SLC22A6: variants seen among roughly 807,000 people sequenced by gnomAD.
SLC22A6 encodes solute carrier family 22 member 6.
SLC22A6 carries 45 observed loss-of-function variants against 56.7 expected under a neutral mutation model. The observed-to-expected ratio is 0.79, with a 90% CI of 0.63 to 1.02. The LOEUF (loss-of-function observed/expected upper bound fraction) is 1.02. Ranked by LOEUF, SLC22A6 falls within the 50% of genes least tolerant of loss-of-function variation. The pLI, the probability that SLC22A6 is intolerant of heterozygous loss-of-function variation, is 0.00. For missense variants in SLC22A6, 606 were observed against 713.8 expected, an observed-to-expected ratio of 0.85 and a Z score of 1.72; for synonymous variants, 291 against 295.9, an observed-to-expected ratio of 0.98 and a Z score of 0.17.
chr11:62,976,806 C>T lies in SLC22A6; in HGVS notation c.1641G>A (p.Lys547=), dbSNP rs139060110. Residue 547 remains lysine, a synonymous_variant, in exon 10 of 10, where the codon AAG becomes AAA. Transcript: ENST00000360421. The stretch of plus-strand genomic sequence containing the variant: ...CCCTTCTCAGTCCTCAGAGTCCATT[C>T]TTCTCTTGTGCTGAGGCCTGCAGTG... ...MVPLQASAQE[K]NGL The T allele has an allele frequency of 1.2e-6, 2 of 1,613,342 alleles. No individual in the cohort carries two copies. The highest frequency in any genetic ancestry group is 1.1e-5 in the South Asian group (1 of 90,818).
Position 62,981,369 on chromosome 11 carries a change from G to A in SLC22A6, c.812C>T (p.Ser271Leu), listed in dbSNP as rs765451388. The change falls in exon 5 of 10, where the codon TCG (serine) becomes TTG (leucine). Residue 271 changes from serine to leucine, a missense_variant. Transcript: ENST00000360421. Reference protein sequence around the residue: ...FFIYSWFFIESARWHSSSGRL... With the variant: ...FFIYSWFFIELARWHSSSGRL... ...CCCGGAGGAGGAGTGCCAGCGGGCC[G>A]ACTCAATGAAGAACCTGGGAGCGGG... The A allele has an allele frequency of 2.2e-6, 3 of 1,336,302 alleles. No individual in the cohort carries two copies. The highest frequency in any genetic ancestry group is 3.0e-6 in the Non-Finnish European group (3 of 997,142). 82.8% of individuals were successfully genotyped at this position (1,336,302 alleles called of 1,614,324 possible). A position where few individuals can be genotyped will look rare whatever the true frequency, so the allele number is the denominator to read the frequency against.
intron 4 of SLC22A6, among the ~76,000 whole-genome samples, 178 bp downstream of exon 4, chr11:62,981,664 G>A (rs2086257107): frequency 6.6e-6 from 1 of 152,118 alleles, no homozygotes; most frequent in African/African-American, 2.4e-5. Flanking sequence ...GGATATCCTG[G>A]GGCAAAGCCT....
rs778287708 is a variant in SLC22A6 at position 62,984,390 on chromosome 11, C to A, written c.301G>T (p.Ala101Ser). 1.2e-5 allele frequency: 19 copies of A among 1,613,922 alleles called. No individual in the cohort carries two copies. In the South Asian group the frequency reaches 2.1e-4, roughly 18 times the overall value. Residue 101 changes from alanine (A) to serine (S), a missense_variant, in exon 1 of 10, where the codon GCC becomes TCC. Coordinates refer to ENST00000360421, the MANE Select transcript of SLC22A6 (RefSeq NM_153276.3). ...LNGTEANGTG[A>S]TEPCTDGWIY... ...CAGCCATCGGTGCAGGGCTCTGTGG[C>A]CCCTGTGCCATTGGCTTCTGTGCCA...
At position 62,981,259 on chromosome 11, in the gene SLC22A6, C is replaced by T. The variant is rs1205098920; in HGVS notation, c.921+1G>A. 1 of 1,609,584 alleles carries T rather than the reference C, an allele frequency of 6.2e-7. No homozygotes were observed. Among genetic ancestry groups the T allele is most frequent in the East Asian group, 2.2e-5 (1 of 44,764 alleles). On this transcript the variant is annotated splice_donor_variant, in intron 5 of 9. Coordinates refer to ENST00000360421, the MANE Select transcript of SLC22A6 (RefSeq NM_153276.3). LOFTEE classifies it high-confidence loss of function. ...TCATGGGAAGTCTCAGGGGATCTCACCTCCATACTCAATTTGGCTCCTTCT... is the reference window on the plus strand; with the variant it reads ...TCATGGGAAGTCTCAGGGGATCTCATCTCCATACTCAATTTGGCTCCTTCT...
At chr11:62,984,177 G>A (rs1046932658) in intron 1 of SLC22A6, 130 bp from the exon 2 acceptor site, 1 of 1,251,198 alleles carries the variant, frequency 8.0e-7, no homozygotes, top group Non-Finnish European at 1.1e-6. Flanking sequence ...TGCCTCTCTG[G>A]TCCTGACAGC....
Position 62,976,779 on chromosome 11 carries a change from G to C in SLC22A6, c.*15C>G. The C allele has an allele frequency of 6.2e-7, 1 of 1,604,318 alleles. No individual in the cohort carries two copies. The highest frequency in any genetic ancestry group is 8.5e-7 in the Non-Finnish European group (1 of 1,173,600). On this transcript the variant is annotated 3_prime_UTR_variant, in exon 10 of 10. Transcript: ENST00000360421. The stretch of plus-strand genomic sequence containing the variant: ...TTCCCTCCCTTTAGGGTTCTGTAAG[G>C]CCCCTTCTCAGTCCTCAGAGTCCAT...
Position 62,981,112 on chromosome 11 carries a change from G to C in SLC22A6, c.922-12C>G, listed in dbSNP as rs200212061. On this transcript the variant is annotated splice_polypyrimidine_tract_variant and intron_variant, in intron 5 of 9. Coordinates refer to ENST00000360421, the MANE Select transcript of SLC22A6 (RefSeq NM_153276.3). ...CTGGCCCGGAGTACCTGCTGGGACC[G>C]GCAGAGCTCAGGGCCCGGGATCCTC... The C allele has an allele frequency of 2.2e-5, 36 of 1,610,050 alleles. No individual in the cohort carries two copies. In the East Asian group the frequency reaches 7.1e-4, roughly 32 times the overall value.
intron 1 of SLC22A6, 98 bp downstream of exon 1, chr11:62,984,224 A>T: frequency 1.4e-6 from 2 of 1,452,898 alleles, no homozygotes; most frequent in East Asian, 2.3e-5. Context: ...CAGTTAAAAA[A>T]CTCAGCAGTT....
chr11:62,983,825 G>T lies in SLC22A6; in HGVS notation c.473+119C>A. 8.5e-7 allele frequency: 1 copy of T among 1,172,872 alleles called. No homozygotes were observed. Among genetic ancestry groups the T allele is most frequent in the Non-Finnish European group, 1.2e-6 (1 of 830,352 alleles). The allele number at this position is 1,172,872 out of a possible 1,614,324, so 72.7% of individuals were successfully genotyped here. A position where few individuals can be genotyped will look rare whatever the true frequency, so the allele number is the denominator to read the frequency against. ...AGGACCTCTGAAGTATGAGGCTGGT[G>T]CTGTAGATCCTCAAACCAGCGCCGG... On this transcript the variant is annotated intron_variant, in intron 2 of 9. Transcript: ENST00000360421. This position sits in a 1 kb window ranked among gnomAD's most constrained non-coding sequence, Gnocchi z 4.5.
At chr11:62,978,968 C>T (rs1297930049) in intron 8 of SLC22A6, among the ~76,000 whole-genome samples, 4 of 152,126 alleles carry the variant, frequency 2.6e-5, no homozygotes, top group Non-Finnish European at 5.9e-5. Context: ...GCCACCGTGC[C>T]GGGCCCCCAT....
Position 62,979,608 on chromosome 11 carries a change from GA to G in SLC22A6, c.1253-13del, listed in dbSNP as rs1472414713. On this transcript the variant is annotated splice_polypyrimidine_tract_variant and intron_variant, in intron 7 of 9. Transcript: ENST00000360421. ...GACAATGGACTGGTCTAGAGAGAAA[GA>G]AGGGGGGATAGCAGGAGCTTGGGAG... 9 of 1,609,996 alleles carry G rather than the reference GA, an allele frequency of 5.6e-6. No individual in the cohort carries two copies. The highest frequency in any genetic ancestry group is 6.8e-6 in the Non-Finnish European group (8 of 1,176,380).
At chr11:62,984,229 G>A in intron 1 of SLC22A6, 93 bp downstream of exon 1, 1 of 1,467,104 alleles carries the variant, frequency 6.8e-7, no homozygotes, top group Non-Finnish European at 9.2e-7. Context: ...AAAAAACTCA[G>A]CAGTTAATTT....
chr11:62,984,578 T>C lies in SLC22A6; in HGVS notation c.113A>G (p.Gln38Arg), dbSNP rs1476959704. 1 of 1,613,592 alleles carries C rather than the reference T, an allele frequency of 6.2e-7. No homozygotes were observed. The highest frequency in any genetic ancestry group is 2.2e-5 in the East Asian group (1 of 44,858). ...LLLMASHNTLQNFTAAIPTHH... is the reference protein window; with the variant it reads ...LLLMASHNTLRNFTAAIPTHH... Reference sequence around the variant, plus strand: ...GGTAGGGATGGCAGCAGTGAAGTTCTGCAGGGTGTTGTGAGAAGCCATCAG... The same window carrying C: ...GGTAGGGATGGCAGCAGTGAAGTTCCGCAGGGTGTTGTGAGAAGCCATCAG... Residue 38 changes from glutamine (Q) to arginine (R), a missense_variant, in exon 1 of 10, where the codon CAG (glutamine) becomes CGG (arginine). Coordinates refer to ENST00000360421, the MANE Select transcript of SLC22A6 (RefSeq NM_153276.3).
rs776537848 is a variant in SLC22A6, at chr11:62,981,835, C to A, written c.797+7G>T. ...GGCAACCACCTCCAACCCTAGGCCC[C>A]ACGCACCAGGAGTAGATGAAGAAGG... On this transcript the variant is annotated splice_region_variant and intron_variant, in intron 4 of 9. Transcript: ENST00000360421. 14 of 1,604,620 alleles carry A rather than the reference C, an allele frequency of 8.7e-6. No individual in the cohort carries two copies. In the Admixed American group the frequency reaches 2.4e-4, roughly 27 times the overall value.
Position 62,981,986 on chromosome 11 carries a change from G to T in SLC22A6, c.653C>A (p.Thr218Lys). Residue 218 changes from threonine (T) to lysine (K), a missense_variant, in exon 4 of 10, where the codon ACA (threonine) becomes AAA (lysine). Transcript: ENST00000360421. ...AATCAAGGTGCCCACGCAGGCCCGT[G>T]TGTGAATGGGCATCCACTCCACATC... ...TLNVEWMPIH[T>K]RACVGTLIGY... The T allele has an allele frequency of 6.2e-7, 1 of 1,614,016 alleles. No homozygotes were observed. Among genetic ancestry groups the T allele is most frequent in the Non-Finnish European group, 8.5e-7 (1 of 1,179,944 alleles).
chr11:62,983,883 G>C lies in SLC22A6; in HGVS notation c.473+61C>G, dbSNP rs1030439717. On this transcript the variant is annotated intron_variant, in intron 2 of 9. Transcript: ENST00000360421. The surrounding 1 kb of genome is among the most constrained non-coding windows in gnomAD (Gnocchi z 4.5). ...TGCCAAGCTCCCACCTAGACACCCT[G>C]AGCCCAGCTGAGCCCCTAATCCCAG... is the stretch of plus-strand genomic sequence containing the variant. 7.5e-7 allele frequency: 1 copy of C among 1,328,786 alleles called. No individual in the cohort carries two copies. The highest frequency in any genetic ancestry group is 1.5e-5 in the African/African-American group (1 of 68,344). 82.3% of individuals were successfully genotyped at this position (1,328,786 alleles called of 1,614,324 possible).
intron 3 of SLC22A6, among the ~76,000 whole-genome samples, chr11:62,982,710 C>T (rs914130987): frequency 2.6e-5 from 4 of 152,138 alleles, no homozygotes; most frequent in African/African-American, 4.8e-5. Context: ...ATGGGGTAAG[C>T]GGGGGTTGAT....
chr11:62,977,516 T>C, intron 8 of SLC22A6, 129 bp from the exon 9 acceptor site: 1 of 1,090,186 alleles, frequency 9.2e-7, no homozygotes, highest in Non-Finnish European at 1.3e-6. Flanking sequence ...CTCTTCCCCA[T>C]TTGATTAGCA....
chr11:62,977,013 C>G, intron 9 of SLC22A6, 132 bp from the exon 10 acceptor site: 1 of 1,512,522 alleles, frequency 6.6e-7, no homozygotes, highest in South Asian at 1.2e-5. Flanking sequence ...CCTACTGCTC[C>G]CTGGAGCTGG....
Sources: allele counts gnomAD v4.1 joint callset (sites outside exome capture counted in the v4.1 genomes callset), GRCh38; gene constraint gnomAD v4.1.1; non-coding constraint Gnocchi (gnomAD v3.1); transcripts MANE v1.5; gene names NCBI Gene and HGNC (gene_info 2026-07-23, HGNC 2026-07-21).